SLC6A5: variants seen among roughly 807,000 people sequenced by gnomAD.
SLC6A5 encodes the protein sodium- and chloride-dependent glycine transporter 2.
Under a neutral mutation model 90.5 loss-of-function variants are expected in SLC6A5, and 58 were observed. The ratio of observed to expected loss-of-function variants is 0.64; its 90% CI spans 0.52 to 0.80. The LOEUF is 0.80. Ranked by LOEUF, SLC6A5 falls within the 30% of genes least tolerant of loss-of-function variation. The pLI is 0.00. For synonymous variants in SLC6A5, 427 were observed against 401.4 expected (o/e 1.06, Z -0.76); for missense variants, 1,015 against 1,017.6 (o/e 1.00, Z 0.03).
chr11:20,652,895 T>C (rs1409558776), intron 15 of SLC6A5, among the ~76,000 whole-genome samples: 1 of 152,230 alleles, frequency 6.6e-6, no homozygotes, highest in African/African-American at 2.4e-5. Flanking sequence ...CCCCTCCTGT[T>C]GTGCCTCTGT....
chr11:20,607,433 A>C, intron 4 of SLC6A5, 46 bp from the exon 5 acceptor site: 1 of 1,611,018 alleles, frequency 6.2e-7, no homozygotes, highest in Non-Finnish European at 8.5e-7. Context: ...TAAGAATTCC[A>C]TAGCATTTAA....
intron 14 of SLC6A5, among the ~76,000 whole-genome samples, chr11:20,650,417 G>T (rs920269592): frequency 1.9e-4 from 29 of 152,152 alleles, no homozygotes; most frequent in Non-Finnish European, 3.8e-4. Context: ...TGCAGTGATA[G>T]GAGTTAATGG....
intron 7 of SLC6A5, among the ~76,000 whole-genome samples, chr11:20,623,558 A>T (rs559981722): frequency 6.6e-5 from 10 of 152,090 alleles, no homozygotes; most frequent in African/African-American, 2.4e-4. Flanking sequence ...CAACTGGGTG[A>T]TTCTGTGCAA....
chr11:20,644,767 C>A (rs987553570), intron 13 of SLC6A5, among the ~76,000 whole-genome samples: 1 of 152,054 alleles, frequency 6.6e-6, no homozygotes, highest in South Asian at 2.1e-4. Context: ...AACCAGCACC[C>A]AAATCAAGAT....
rs779446341 is a variant in SLC6A5, at chr11:20,601,170, C to G, written c.45C>G (p.Asn15Lys). ...AGGAAATGAATAAACTGCCAGCCAA[C>G]AGCCCGGAGGCGGCGGCGGCGCAGG... ...APKEMNKLPA[N>K]SPEAAAAQGH... Residue 15 changes from asparagine (N) to lysine (K), a missense_variant, in exon 2 of 16, where the codon AAC (asparagine) becomes AAG (lysine). By Grantham distance (94) the Asn-to-Lys change is moderately conservative. Transcript: ENST00000525748. The G allele has an allele frequency of 1.3e-6, 2 of 1,590,454 alleles. No individual in the cohort carries two copies. Among genetic ancestry groups the G allele is most frequent in the Non-Finnish European group, 8.5e-7 (1 of 1,176,136 alleles).
Position 20,630,613 on chromosome 11 carries a change from A to G in SLC6A5, c.1500-78A>G, listed in dbSNP as rs891238195. On this transcript the variant is annotated intron_variant, in intron 9 of 15. Coordinates refer to ENST00000525748, the MANE Select transcript of SLC6A5 (RefSeq NM_004211.5). Reference sequence around the variant, plus strand: ...CATGTGCAGACAAACATGTGGGCACACATTTGTGTGTCCTTCCCCTTGTCC... The same window carrying G: ...CATGTGCAGACAAACATGTGGGCACGCATTTGTGTGTCCTTCCCCTTGTCC... 2.0e-6 allele frequency: 3 copies of G among 1,535,880 alleles called. No individual in the cohort carries two copies. In the Admixed American group the frequency reaches 5.0e-5, roughly 26 times the overall value.
At chr11:20,621,355 T>A (rs2133792207) in intron 7 of SLC6A5, among the ~76,000 whole-genome samples, 1 of 152,324 alleles carries the variant, frequency 6.6e-6, no homozygotes, top group South Asian at 2.1e-4. Context: ...TAGGATTCTT[T>A]TTATCTTATT....
rs1457750621 is a variant in SLC6A5, at chr11:20,617,748, T to C, written c.1128-4T>C. ...CTCCCCCCATCCCTCCCTCCAACTCTCAGGTACTTTGTGCTGAAGATTTCT... is the reference window on the plus strand; with the variant it reads ...CTCCCCCCATCCCTCCCTCCAACTCCCAGGTACTTTGTGCTGAAGATTTCT... On this transcript the variant is annotated splice_polypyrimidine_tract_variant and splice_region_variant and intron_variant, in intron 6 of 15. Transcript: ENST00000525748. 6.2e-7 allele frequency: 1 copy of C among 1,613,698 alleles called. No individual in the cohort carries two copies. The highest frequency in any genetic ancestry group is 1.1e-5 in the South Asian group (1 of 91,056).
intron 14 of SLC6A5, among the ~76,000 whole-genome samples, chr11:20,649,574 C>T (rs551286571): frequency 6.6e-6 from 1 of 152,174 alleles, no homozygotes; most frequent in Non-Finnish European, 1.5e-5. Context: ...TTGCCATTTG[C>T]CCTTCTATAA....
chr11:20,625,903 C>G (rs1590168310), intron 7 of SLC6A5, among the ~76,000 whole-genome samples: 1 of 152,346 alleles, frequency 6.6e-6, no homozygotes, highest in East Asian at 1.9e-4. Context: ...GTGTAATTCC[C>G]TAGCTCATTA....
intron 8 of SLC6A5, among the ~76,000 whole-genome samples, chr11:20,627,611 A>C (rs905903905): frequency 1.5e-4 from 23 of 152,210 alleles, no homozygotes; most frequent in South Asian, 6.2e-4. Flanking sequence ...TCAGTTAAAA[A>C]GGGTTTTGAT....
chr11:20,608,617 T>C (rs1373165), intron 5 of SLC6A5, among the ~76,000 whole-genome samples: 126,970 of 152,156 alleles, frequency 0.83, 53,041 homozygotes, highest in East Asian at 0.98. Context: ...ACTTTGGAAG[T>C]TCTCGTCATT....
chr11:20,600,332 A>AGAG (rs200597393), intron 1 of SLC6A5, among the ~76,000 whole-genome samples: 2 of 119,412 alleles, frequency 1.7e-5, no homozygotes, highest in Non-Finnish European at 3.5e-5. Flanking sequence ...AAAAAGAAGA[A>AGAG]GAGGAAGAAG....
intron 1 of SLC6A5, among the ~76,000 whole-genome samples, chr11:20,600,335 G>GGAAGAAGAGGAAGAAGAAGAAGAAGAA (rs1238147135): frequency 2.8e-4 from 25 of 87,870 alleles, no homozygotes; most frequent in Non-Finnish European, 4.0e-4. Flanking sequence ...AAGAAGAAGA[G>GGAAGAAGAGGAAGAAGAAGAAGAAGAA]GAAGAAGAAG....
At position 20,653,342 on chromosome 11, in the gene SLC6A5, G is replaced by A. The variant is rs183413520; in HGVS notation, c.2238+886G>A. On this transcript the variant is annotated intron_variant, in intron 15 of 15. Transcript: ENST00000525748. ...AGACTCCTACTGAACCAGAGTCTTG[G>A]GGAAATGGGACCCTGGCATCTACAG... is the stretch of plus-strand genomic sequence containing the variant. 3.9e-5 allele frequency among the ~76,000 whole-genome samples: 6 copies of A among 152,312 alleles called. No individual in the cohort carries two copies. In the East Asian group the frequency reaches 1.2e-3, roughly 29 times the overall value.
At chr11:20,637,396 A>G (rs1853230674) in intron 12 of SLC6A5, 93 bp downstream of exon 12, 1 of 1,156,684 alleles carries the variant, frequency 8.6e-7, no homozygotes, top group Non-Finnish European at 1.3e-6. Flanking sequence ...CTCAGACCTT[A>G]TAATCAAAGG....
At chr11:20,619,820 T>A (rs1203357528) in intron 7 of SLC6A5, among the ~76,000 whole-genome samples, 1 of 152,118 alleles carries the variant, frequency 6.6e-6, no homozygotes, top group East Asian at 1.9e-4. Context: ...GACCTCAGTT[T>A]CCCCTTCTGT....
intron 10 of SLC6A5, among the ~76,000 whole-genome samples, chr11:20,631,666 A>G (rs533053069): frequency 6.6e-6 from 1 of 152,262 alleles, no homozygotes; most frequent in African/African-American, 2.4e-5. Flanking sequence ...CTCATTCTCA[A>G]TTCAGACATT....
intron 5 of SLC6A5, 119 bp from the exon 6 acceptor site, chr11:20,614,560 A>G (rs1347681951): frequency 2.2e-6 from 2 of 918,154 alleles, no homozygotes; most frequent in Non-Finnish European, 3.6e-6. Flanking sequence ...CCTTTCCTGA[A>G]GGTACTCTCC....
Sources: gnomAD v4.1 joint callset for allele counts (sites outside exome capture counted in the v4.1 genomes callset) on GRCh38, gnomAD v4.1.1 for gene constraint, MANE v1.5 for transcripts, NCBI Gene and HGNC (gene_info 2026-07-23, HGNC 2026-07-21) for gene names.